The following ABHD2 variants were observed in gnomAD, a reference collection of about 807,000 sequenced individuals.
The protein encoded by ABHD2 is monoacylglycerol lipase ABHD2.
Under a neutral mutation model 48.1 loss-of-function variants are expected in ABHD2, and 20 were observed. The ratio of observed to expected loss-of-function variants is 0.42; its 90% CI spans 0.29 to 0.60. The LOEUF (loss-of-function observed/expected upper bound fraction) is 0.60, where lower values mean the gene tolerates loss of function less well. ABHD2 is among the 20% of genes least tolerant of loss of function. The probability of loss-of-function intolerance (pLI) is 0.24; values close to 1 mark genes in which losing one functional copy is unlikely to be tolerated. For missense variants in ABHD2, 405 were observed against 550.9 expected (o/e 0.74, Z 2.65); for synonymous variants, 209 against 214.2 (o/e 0.98, Z 0.21).
intron 3 of ABHD2, among the ~76,000 whole-genome samples, chr15:89,119,182 T>A (rs761674441): frequency 3.9e-5 from 6 of 152,166 alleles, no homozygotes; most frequent in Non-Finnish European, 8.8e-5. Flanking sequence ...AGGGACAAAT[T>A]CTCCAGAACC....
intron 3 of ABHD2, among the ~76,000 whole-genome samples, chr15:89,117,273 G>C (rs533546065): frequency 1.3e-5 from 2 of 152,150 alleles, no homozygotes; most frequent in Admixed American, 1.3e-4. Context: ...TGATCTGCCC[G>C]CCTTGGCCTC....
At chr15:89,171,279 G>A (rs2050923340) in intron 5 of ABHD2, among the ~76,000 whole-genome samples, 1 of 152,122 alleles carries the variant, frequency 6.6e-6, no homozygotes, top group Non-Finnish European at 1.5e-5. Flanking sequence ...TGGAGGTGAG[G>A]TCCTGCAAGC....
chr15:89,087,339 T>A (rs570390603), upstream of ABHD2: 1 of 152,394 alleles, frequency 6.6e-6, no homozygotes, highest in African/African-American at 2.4e-5. This position sits in a 1 kb window ranked among gnomAD's most constrained non-coding sequence, Gnocchi z 5.5. Flanking sequence ...TCTCATTTCA[T>A]CCCCTGCTCC....
rs1320935497 is a variant in ABHD2, at chr15:89,199,876, T to C, written c.*4453T>C. The C allele has an allele frequency of 6.6e-6, 1 of 150,626 alleles. No homozygotes were observed. The highest frequency in any genetic ancestry group is 6.7e-5 in the Admixed American group (1 of 15,010). 9.3% of individuals were successfully genotyped at this position (150,626 alleles called of 1,614,324 possible). A position where few individuals can be genotyped will look rare whatever the true frequency, so the allele number is the denominator to read the frequency against. On this transcript the variant is annotated 3_prime_UTR_variant, in exon 11 of 11. Transcript: ENST00000352732. The surrounding 1 kb of genome is among the most constrained non-coding windows in gnomAD (Gnocchi z 4.1). ...TAGAATTGCTTTCGCCAAATTGTAG[T>C]TGAAGCTAAGGAAGGGGAATCTGGC...
rs2050501562 is a variant in ABHD2 at position 89,146,908 on chromosome 15, T to C, written c.195-4769T>C. 6.6e-6 allele frequency among the ~76,000 whole-genome samples: 1 copy of C among 152,220 alleles called. No homozygotes were observed. The highest frequency in any genetic ancestry group is 1.5e-5 in the Non-Finnish European group (1 of 68,034). ...TCCAATCAAAAATCTAAAATTTTTATAGAACTAAACAAGCTAATCCTATAA... is the reference window on the plus strand; with the variant it reads ...TCCAATCAAAAATCTAAAATTTTTACAGAACTAAACAAGCTAATCCTATAA... On this transcript the variant is annotated intron_variant, in intron 3 of 10. Transcript: ENST00000352732. This position sits in a 1 kb window ranked among gnomAD's most constrained non-coding sequence, Gnocchi z 4.2.
intron 1 of ABHD2, chr15:89,090,242 C>T (rs1021630756): frequency 6.6e-6 from 1 of 152,178 alleles, no homozygotes; most frequent in East Asian, 1.9e-4. Flanking sequence ...GGGCAAGCTA[C>T]TTAACTTCTC....
chr15:89,088,509 A>AGCTGCAGGAACCAGACTGGGG lies in ABHD2; in HGVS notation c.-158_-138dup. ...CCATGAGCGCCGCTGGCAGCCGGGG[A>AGCTGCAGGAACCAGACTGGGG]GCTGCAGGAACCAGACTGGGGGCGA... is the stretch of plus-strand genomic sequence containing the variant. On this transcript the variant is annotated 5_prime_UTR_variant, in exon 1 of 11. Coordinates refer to ENST00000352732, the MANE Select transcript of ABHD2 (RefSeq NM_152924.5). The surrounding 1 kb of genome is among the most constrained non-coding windows in gnomAD (Gnocchi z 6.8). 6.5e-6 allele frequency: 1 copy of AGCTGCAGGAACCAGACTGGGG among 152,710 alleles called. No individual in the cohort carries two copies. The highest frequency in any genetic ancestry group is 6.5e-5 in the Admixed American group (1 of 15,306). The allele number at this position is 152,710 out of a possible 1,614,324, so 9.5% of individuals were successfully genotyped here.
intron 5 of ABHD2, among the ~76,000 whole-genome samples, chr15:89,172,024 C>A (rs2050936898): frequency 1.6e-5 from 2 of 121,528 alleles, no homozygotes; most frequent in South Asian, 5.2e-4. Context: ...ATTTTTCCTG[C>A]TTTTTTTTTA....
chr15:89,155,647 G>A lies in ABHD2; in HGVS notation c.538+113G>A, dbSNP rs1460523714. ...AAACCTATGCCCATCTGCAAGAGAT[G>A]GTAGGTCACACGGTTATATCAACAG... On this transcript the variant is annotated intron_variant, in intron 5 of 10. Coordinates refer to ENST00000352732, the MANE Select transcript of ABHD2 (RefSeq NM_152924.5). This position sits in a 1 kb window ranked among gnomAD's most constrained non-coding sequence, Gnocchi z 4.9. 3.0e-6 allele frequency: 4 copies of A among 1,337,044 alleles called. No homozygotes were observed. The highest frequency in any genetic ancestry group is 2.6e-4 in the Middle Eastern group (1 of 3,844). The allele number at this position is 1,337,044 out of a possible 1,614,324, so 82.8% of individuals were successfully genotyped here. A position where few individuals can be genotyped will look rare whatever the true frequency, so the allele number is the denominator to read the frequency against.
rs74032744 is a variant in ABHD2, at chr15:89,130,823, A to G, written c.194+14302A>G. 3.7e-3 allele frequency among the ~76,000 whole-genome samples: 569 copies of G among 152,294 alleles called. 5 individuals are homozygous for G. Among genetic ancestry groups the G allele is most frequent in the African/African-American group, 0.013 (550 of 41,552 alleles). The stretch of plus-strand genomic sequence containing the variant: ...TGTATTTTATGTGTGGCCCAAGACA[A>G]TTCTTCCAAAGTGGCCCAGGGAAGC... On this transcript the variant is annotated intron_variant, in intron 3 of 10. Coordinates refer to ENST00000352732, the MANE Select transcript of ABHD2 (RefSeq NM_152924.5).
In ABHD2 at chr15:89,195,144, T is replaced by C; in HGVS notation, c.1082-83T>C. On this transcript the variant is annotated intron_variant, in intron 10 of 10. Transcript: ENST00000352732. The surrounding 1 kb of genome is among the most constrained non-coding windows in gnomAD (Gnocchi z 5.1). ...GGTGACCCTGCGGGGACAGCCAGGCTACCCTAGCCAGCTCACCTCTGCACC... is the reference window on the plus strand; with the variant it reads ...GGTGACCCTGCGGGGACAGCCAGGCCACCCTAGCCAGCTCACCTCTGCACC... 1 of 1,499,484 alleles carries C rather than the reference T, an allele frequency of 6.7e-7. No homozygotes were observed. The highest frequency in any genetic ancestry group is 9.0e-7 in the Non-Finnish European group (1 of 1,113,108). The allele number at this position is 1,499,484 out of a possible 1,614,324, so 92.9% of individuals were successfully genotyped here. A position where few individuals can be genotyped will look rare whatever the true frequency, so the allele number is the denominator to read the frequency against.
the ABHD2 span, among the ~76,000 whole-genome samples, chr15:89,070,382 C>T: frequency 1.3e-5 from 2 of 152,224 alleles, no homozygotes; most frequent in South Asian, 4.1e-4. Flanking sequence ...AATAGTATCA[C>T]AAGCTACCGT....
chr15:89,058,185 T>G, the ABHD2 span, among the ~76,000 whole-genome samples: 442 of 152,250 alleles, frequency 2.9e-3, no homozygotes, highest in African/African-American at 0.01. Flanking sequence ...TCCTTGGAGA[T>G]CCATTCCCCT....
the ABHD2 span, among the ~76,000 whole-genome samples, chr15:89,072,739 C>T: frequency 6.6e-6 from 1 of 152,178 alleles, no homozygotes; most frequent in Non-Finnish European, 1.5e-5. Context: ...TCATCCATTT[C>T]TTATTGATGT....
intron 3 of ABHD2, among the ~76,000 whole-genome samples, chr15:89,129,373 A>G (rs574529934): frequency 1.3e-5 from 2 of 152,304 alleles, no homozygotes; most frequent in Admixed American, 6.5e-5. Context: ...AAACTCAGGA[A>G]GAATGAGGGC....
At chr15:89,045,244 G>C in the ABHD2 span, among the ~76,000 whole-genome samples, 1 of 151,646 alleles carries the variant, frequency 6.6e-6, no homozygotes, top group African/African-American at 2.4e-5. Flanking sequence ...TGAGGGCTCT[G>C]TTCTGTTCCA....
intron 3 of ABHD2, among the ~76,000 whole-genome samples, chr15:89,145,421 A>G (rs116150907): frequency 0.054 from 8,258 of 152,264 alleles, 783 homozygotes; most frequent in African/African-American, 0.19. Flanking sequence ...ATGCTCAAAT[A>G]AATACATTTG....
rs2049689365 is a variant in ABHD2, at chr15:89,100,782, T to C, written c.-107+12219T>C. 6.6e-6 allele frequency among the ~76,000 whole-genome samples: 1 copy of C among 152,110 alleles called. No homozygotes were observed. Among genetic ancestry groups the C allele is most frequent in the African/African-American group, 2.4e-5 (1 of 41,404 alleles). On this transcript the variant is annotated intron_variant, in intron 1 of 10. Transcript: ENST00000352732. This position sits in a 1 kb window ranked among gnomAD's most constrained non-coding sequence, Gnocchi z 4.4. Reference sequence around the variant, plus strand: ...TACTCGGGAGGCTGAGGCAGGAGAATTGCTGGAACCCAGGAGGCGGAGGTT... The same window carrying C: ...TACTCGGGAGGCTGAGGCAGGAGAACTGCTGGAACCCAGGAGGCGGAGGTT...
intron 7 of ABHD2, among the ~76,000 whole-genome samples, chr15:89,187,881 C>T (rs571732295): frequency 4.1e-4 from 63 of 152,346 alleles, no homozygotes; most frequent in Non-Finnish European, 1.6e-4. Context: ...GACGCCCCTA[C>T]GGCTTGGCCC....
Sources: gnomAD v4.1 joint callset for allele counts (sites outside exome capture counted in the v4.1 genomes callset) on GRCh38, gnomAD v4.1.1 for gene constraint, Gnocchi (gnomAD v3.1) non-coding constraint, MANE v1.5 for transcripts, NCBI Gene and HGNC (gene_info 2026-07-23, HGNC 2026-07-21) for gene names.